The following PRICKLE2 variants were observed in gnomAD, a reference collection of about 807,000 sequenced individuals.
PRICKLE2 encodes prickle-like protein 2.
A neutral mutation model predicts 81.4 loss-of-function variants in PRICKLE2; 21 were observed. That is an observed-to-expected ratio of 0.26 (90% CI 0.18 to 0.37). The LOEUF is 0.37. Among genes scored for constraint, PRICKLE2 ranks in the 10% least tolerant of loss-of-function variants. The pLI is 1.00. For synonymous variants in PRICKLE2, 456 were observed against 421.5 expected, an observed-to-expected ratio of 1.08 and a Z score of -1.00; for missense variants, 940 against 1,109.0, an observed-to-expected ratio of 0.85 and a Z score of 2.16.
intron 4 of PRICKLE2, 52 bp from the exon 5 acceptor site, chr3:64,157,417 G>C: frequency 6.4e-7 from 1 of 1,557,862 alleles, no homozygotes; most frequent in South Asian, 1.1e-5. Context: ...ATCTCCCAGT[G>C]CTGTGCATAA....
intron 2 of PRICKLE2, among the ~76,000 whole-genome samples, chr3:64,168,827 C>T (rs2077882380): frequency 6.6e-6 from 1 of 152,194 alleles, no homozygotes; most frequent in South Asian, 2.1e-4. Context: ...ACGATGAACA[C>T]ATTTTCCTTT....
intron 1 of PRICKLE2, among the ~76,000 whole-genome samples, chr3:64,213,337 C>A (rs2078821650): frequency 6.6e-6 from 1 of 152,122 alleles, no homozygotes; most frequent in African/African-American, 2.4e-5. Flanking sequence ...CCTTGGCCTC[C>A]CAAAGTGTTG....
rs2076785896 is a variant in PRICKLE2 at position 64,108,185 on chromosome 3, G to T, written c.1661-8260C>A. ...CAAAGCCTCAAATATTTACTTTCTG[G>T]CCCTTTATAGACACAGGTTGTCAAC... On this transcript the variant is annotated intron_variant, in intron 7 of 7. Coordinates refer to ENST00000638394, the MANE Select transcript of PRICKLE2 (RefSeq NM_198859.4). Among the ~76,000 whole-genome samples the T allele has an allele frequency of 2.0e-5, 3 of 152,094 alleles. No individual in the cohort carries two copies. The South Asian group carries it at 6.2e-4, about 31-fold the overall frequency.
At chr3:64,260,969 C>A (rs2079607672) in intron 2 of PRICKLE2, among the ~76,000 whole-genome samples, 1 of 152,192 alleles carries the variant, frequency 6.6e-6, no homozygotes, top group Admixed American at 6.5e-5. Flanking sequence ...GATCAGACTT[C>A]CTAGGCAGGA....
At chr3:64,140,287 C>T (rs138631873) in intron 7 of PRICKLE2, among the ~76,000 whole-genome samples, 148 of 152,330 alleles carry the variant, frequency 9.7e-4, no homozygotes, top group African/African-American at 3.4e-3. Flanking sequence ...TACTGGTCTA[C>T]AGCCCATGCT....
At chr3:64,210,170 C>T (rs562881465) in intron 1 of PRICKLE2, among the ~76,000 whole-genome samples, 3 of 152,208 alleles carry the variant, frequency 2.0e-5, no homozygotes, top group African/African-American at 7.2e-5. Flanking sequence ...GGAAACTTCG[C>T]GTCCTCCCTA....
intron 7 of PRICKLE2, among the ~76,000 whole-genome samples, chr3:64,127,062 C>A (rs1003288958): frequency 6.6e-6 from 1 of 152,166 alleles, no homozygotes; most frequent in African/African-American, 2.4e-5. Context: ...AAAGTTCCTG[C>A]CCTTAAGGAG....
chr3:64,238,330 G>C (rs2079212441), intron 2 of PRICKLE2, among the ~76,000 whole-genome samples: 1 of 151,604 alleles, frequency 6.6e-6, no homozygotes, highest in Admixed American at 6.6e-5. Context: ...TCTACTAAAA[G>C]TACAAAAATT....
At chr3:64,209,238 C>CCATT (rs1333861172) in intron 1 of PRICKLE2, among the ~76,000 whole-genome samples, 1 of 151,986 alleles carries the variant, frequency 6.6e-6, no homozygotes, top group African/African-American at 2.4e-5. Flanking sequence ...ACCCATCTAT[C>CCATT]CATTCATTCA....
intron 2 of PRICKLE2, among the ~76,000 whole-genome samples, chr3:64,248,421 C>T (rs1444028684): frequency 1.3e-5 from 2 of 152,148 alleles, no homozygotes; most frequent in Non-Finnish European, 2.9e-5. Context: ...GTGTAACCAA[C>T]CTGTGGATGC....
intron 2 of PRICKLE2, among the ~76,000 whole-genome samples, chr3:64,257,190 A>T (rs1217198175): frequency 6.6e-6 from 1 of 152,138 alleles, no homozygotes; most frequent in Non-Finnish European, 1.5e-5. Flanking sequence ...ATATAAGAAA[A>T]ATTATTTGGC....
At chr3:64,113,652 A>C (rs1575550798) in intron 7 of PRICKLE2, among the ~76,000 whole-genome samples, 1 of 151,950 alleles carries the variant, frequency 6.6e-6, no homozygotes, top group Non-Finnish European at 1.5e-5. Flanking sequence ...GTCTGCACCC[A>C]CCCAGCCCCC....
chr3:64,194,604 G>A (rs1455887153), intron 2 of PRICKLE2, among the ~76,000 whole-genome samples: 3 of 152,206 alleles, frequency 2.0e-5, no homozygotes, highest in African/African-American at 4.8e-5. Flanking sequence ...TGCTGAGGCT[G>A]AGAAATCCTC....
chr3:64,206,075 T>C (rs2078682741), intron 1 of PRICKLE2, among the ~76,000 whole-genome samples: 2 of 152,192 alleles, frequency 1.3e-5, no homozygotes, highest in African/African-American at 2.4e-5. Context: ...TAATTCCTAA[T>C]CATGAAACTC....
At chr3:64,205,178 G>A (rs568240195) in intron 1 of PRICKLE2, among the ~76,000 whole-genome samples, 154 of 151,748 alleles carry the variant, frequency 1.0e-3, no homozygotes, top group African/African-American at 3.4e-3. Flanking sequence ...ACATAATTGG[G>A]TTTGTGAATG....
chr3:64,255,832 T>G (rs2079517180), intron 2 of PRICKLE2, among the ~76,000 whole-genome samples: 1 of 152,174 alleles, frequency 6.6e-6, no homozygotes, highest in African/African-American at 2.4e-5. Context: ...TAGCATTGGG[T>G]GAGACAAGGG....
chr3:64,199,291 G>A, intron 1 of PRICKLE2: 4 of 453,438 alleles, frequency 8.8e-6, no homozygotes, highest in Non-Finnish European at 1.2e-5. Flanking sequence ...GTAGACCACT[G>A]GATATGGCCC....
chr3:64,158,284 G>A (rs1455356452), intron 4 of PRICKLE2, among the ~76,000 whole-genome samples: 1 of 152,208 alleles, frequency 6.6e-6, no homozygotes. Context: ...GCTATGCGTT[G>A]AAATGTATCT....
At chr3:64,133,339 G>A (rs537570002) in intron 7 of PRICKLE2, among the ~76,000 whole-genome samples, 19 of 152,202 alleles carry the variant, frequency 1.2e-4, no homozygotes, top group East Asian at 3.9e-4. Context: ...AGCTCAGGCC[G>A]GGTTCGAATT....
Sources: allele counts gnomAD v4.1 joint callset (sites outside exome capture counted in the v4.1 genomes callset), GRCh38; gene constraint gnomAD v4.1.1; transcripts MANE v1.5; gene names NCBI Gene and HGNC (gene_info 2026-07-23, HGNC 2026-07-21).